The following CR1 variants were observed in gnomAD, a reference collection of about 807,000 sequenced individuals.
CR1 encodes the protein complement receptor type 1.
Under a neutral mutation model 187.3 loss-of-function variants are expected in CR1, and 116 were observed. That is an observed-to-expected ratio of 0.62 (90% CI 0.53 to 0.72). The LOEUF (loss-of-function observed/expected upper bound fraction) is 0.72, where lower values mean the gene tolerates loss of function less well. Ranked by LOEUF, CR1 falls within the 30% of genes least tolerant of loss-of-function variation. CR1 has a pLI of 0.00. For missense variants in CR1, 1,731 were observed against 2,110.7 expected, an observed-to-expected ratio of 0.82 and a Z score of 3.52; for synonymous variants, 576 against 747.1, an observed-to-expected ratio of 0.77 and a Z score of 3.73.
rs1232672033 is a variant in CR1, at chr1:207,632,413, ATAAAAATTGTAT to A, written c.7457+1795_7457+1806del. Among the ~76,000 whole-genome samples, 30 of 152,222 alleles carry A rather than the reference ATAAAAATTGTAT, an allele frequency of 2.0e-4. No individual in the cohort carries two copies. In the South Asian group the frequency reaches 3.9e-3, roughly 20 times the overall value. On this transcript the variant is annotated intron_variant, in intron 46 of 46. Coordinates refer to ENST00000367049, the MANE Select transcript of CR1 (RefSeq NM_000651.6). ...TTCTAATATTACTCCAATAGTTCAAATAAAAATTGTATTATTTCAACATGAACACAAACACAT... is the reference window on the plus strand; with the variant it reads ...TTCTAATATTACTCCAATAGTTCAAATATTTCAACATGAACACAAACACAT...
chr1:207,584,357 T>C (rs1428633848), intron 32 of CR1, among the ~76,000 whole-genome samples: 2 of 152,180 alleles, frequency 1.3e-5, no homozygotes, highest in South Asian at 4.1e-4. Flanking sequence ...ACTGTGAAGA[T>C]TTTTATTTAC....
rs551608107 is a variant in CR1, at chr1:207,498,368, A to G, written c.121+1980A>G. On this transcript the variant is annotated intron_variant, in intron 1 of 46. Transcript: ENST00000367049. ...AAGAGTGAATCTAGAAACAGATTGC[A>G]TACGACAAAAAATAGCAGAGGAGCT... 1.7e-3 allele frequency among the ~76,000 whole-genome samples: 266 copies of G among 152,338 alleles called. 2 individuals are homozygous for G. Among genetic ancestry groups the G allele is most frequent in the African/African-American group, 6.0e-3 (248 of 41,582 alleles).
chr1:207,525,427 C>T (rs1660137273), intron 5 of CR1, among the ~76,000 whole-genome samples: 1 of 152,002 alleles, frequency 6.6e-6, no homozygotes, highest in South Asian at 2.1e-4. Context: ...CAGGCAGCTC[C>T]CTGTAAGCTG....
chr1:207,565,042 G>T (rs1385440886), intron 23 of CR1, among the ~76,000 whole-genome samples: 1 of 149,902 alleles, frequency 6.7e-6, no homozygotes, highest in Non-Finnish European at 1.5e-5. Flanking sequence ...CTCTGAGCTG[G>T]GGTCGTGATG....
intron 2 of CR1, 148 bp downstream of exon 2, chr1:207,506,231 T>C (rs1438365090): frequency 1.1e-6 from 1 of 937,668 alleles, no homozygotes; most frequent in Admixed American, 3.0e-5. Flanking sequence ...AGATCATACC[T>C]TGTTACTGCT....
intron 35 of CR1, among the ~76,000 whole-genome samples, chr1:207,591,271 C>T (rs1317158378): frequency 6.6e-6 from 1 of 152,214 alleles, no homozygotes; most frequent in Non-Finnish European, 1.5e-5. Flanking sequence ...ACAGTACAAT[C>T]AAATTAGAAC....
chr1:207,514,440 T>C (rs1486926879), intron 4 of CR1, among the ~76,000 whole-genome samples: 1 of 152,120 alleles, frequency 6.6e-6, no homozygotes, highest in African/African-American at 2.4e-5. Flanking sequence ...TGAAAGATGA[T>C]TAGGGCATGA....
chr1:207,622,027 T>C, intron 44 of CR1, 31 bp downstream of exon 44: 4 of 1,572,976 alleles, frequency 2.5e-6, no homozygotes, highest in Non-Finnish European at 3.5e-6. Context: ...GCTGAGGAAT[T>C]CTGGCATCTA....
At chr1:207,607,797 T>C (rs1295881397) in intron 36 of CR1, among the ~76,000 whole-genome samples, 1 of 152,208 alleles carries the variant, frequency 6.6e-6, no homozygotes, top group Non-Finnish European at 1.5e-5. Context: ...TTCAATTCTT[T>C]TAGGCCCATG....
chr1:207,632,040 A>G (rs1300405055), intron 46 of CR1, among the ~76,000 whole-genome samples: 1 of 152,186 alleles, frequency 6.6e-6, no homozygotes, highest in Non-Finnish European at 1.5e-5. Flanking sequence ...GTTAACCAAA[A>G]CATAAGTAGA....
At chr1:207,588,550 A>C in intron 34 of CR1, 125 bp from the exon 35 acceptor site, 1 of 673,470 alleles carries the variant, frequency 1.5e-6, no homozygotes, top group Non-Finnish European at 2.6e-6. Context: ...AAGTTTCCTC[A>C]AAGCAGTCAA....
chr1:207,507,544 G>A (rs1043079939), intron 3 of CR1: 8 of 152,112 alleles, frequency 5.3e-5, no homozygotes, highest in African/African-American at 1.7e-4. Flanking sequence ...CCACACTAAC[G>A]ACCTCATCTT....
rs935756810 is a variant in CR1 at position 207,641,604 on chromosome 1, C to T, written c.*2195C>T. The T allele has an allele frequency of 3.3e-5, 5 of 152,186 alleles. No homozygotes were observed. The highest frequency in any genetic ancestry group is 7.3e-5 in the Non-Finnish European group (5 of 68,042). 9.4% of individuals were successfully genotyped at this position (152,186 alleles called of 1,614,324 possible). A position where few individuals can be genotyped will look rare whatever the true frequency, so the allele number is the denominator to read the frequency against. ...TCATCTGAAAAGCAGGGGCTGGACA[C>T]CAATTGCCCTATGAAGCTATTGCTA... On this transcript the variant is annotated 3_prime_UTR_variant, in exon 47 of 47. Coordinates refer to ENST00000367049, the MANE Select transcript of CR1 (RefSeq NM_000651.6).
chr1:207,618,445 C>T (rs1662213266), intron 42 of CR1, among the ~76,000 whole-genome samples, 198 bp downstream of exon 42: 1 of 152,212 alleles, frequency 6.6e-6, no homozygotes, highest in Non-Finnish European at 1.5e-5. Context: ...CAGTGCTTCT[C>T]CATCCAGAGC....
intron 28 of CR1, among the ~76,000 whole-genome samples, 170 bp downstream of exon 28, chr1:207,575,850 C>G (rs570935272): frequency 5.3e-5 from 8 of 152,152 alleles, no homozygotes; most frequent in South Asian, 4.1e-4. Context: ...TCCGCCTTCA[C>G]CTAGAAATGC....
chr1:207,595,135 C>A (rs1661390546), intron 35 of CR1, among the ~76,000 whole-genome samples: 1 of 147,842 alleles, frequency 6.8e-6, no homozygotes, highest in African/African-American at 2.5e-5. Flanking sequence ...CTGCCCCCAA[C>A]CCCCGGAAAA....
chr1:207,584,579 A>G, intron 32 of CR1, 70 bp from the exon 33 acceptor site: 7 of 1,530,232 alleles, frequency 4.6e-6, no homozygotes, highest in Non-Finnish European at 6.2e-6. Flanking sequence ...ACAGTATGAC[A>G]ACTGTAGAAT....
Position 207,496,161 on chromosome 1 carries a change from T to G in CR1, c.-107T>G. 1.3e-6 allele frequency: 2 copies of G among 1,592,708 alleles called. No individual in the cohort carries two copies. Among genetic ancestry groups the G allele is most frequent in the Non-Finnish European group, 8.6e-7 (1 of 1,167,578 alleles). On this transcript the variant is annotated 5_prime_UTR_variant, in exon 1 of 47. Transcript: ENST00000367049. ...CGGAACCCCGCAGCCCTCCCCACAC[T>G]CTGGGCGCGGAGCACAATGATTGGT... is the stretch of plus-strand genomic sequence containing the variant.
intron 34 of CR1, among the ~76,000 whole-genome samples, chr1:207,588,239 C>T (rs995196532): frequency 2.0e-5 from 3 of 152,110 alleles, no homozygotes; most frequent in African/African-American, 4.8e-5. Flanking sequence ...AGTGTAGTGG[C>T]GCGATCTTGG....
Sources: allele counts gnomAD v4.1 joint callset (sites outside exome capture counted in the v4.1 genomes callset), GRCh38; gene constraint gnomAD v4.1.1; transcripts MANE v1.5; gene names NCBI Gene and HGNC (gene_info 2026-07-23, HGNC 2026-07-21).